The following LRBA variants were observed in gnomAD, a reference collection of about 807,000 sequenced individuals.
The protein encoded by LRBA is lipopolysaccharide-responsive and beige-like anchor protein.
Under a neutral mutation model 330.0 loss-of-function variants are expected in LRBA, and 176 were observed. The observed-to-expected ratio is 0.53, with a 90% CI of 0.47 to 0.60. The LOEUF is 0.60. Ranked by LOEUF, LRBA falls within the 20% of genes least tolerant of loss-of-function variation. The pLI is 0.00. For synonymous variants in LRBA, 1,230 were observed against 1,193.0 expected (o/e 1.03, Z -0.64); for missense variants, 3,259 against 3,444.8 (o/e 0.95, Z 1.35).
chr4:150,462,978 C>G (rs1287603079), intron 44 of LRBA, among the ~76,000 whole-genome samples: 1 of 151,860 alleles, frequency 6.6e-6, no homozygotes, highest in Non-Finnish European at 1.5e-5. Flanking sequence ...CTGAATCACA[C>G]TGTAAACATT....
chr4:150,569,607 T>C (rs1284454059), intron 40 of LRBA, among the ~76,000 whole-genome samples: 1 of 152,142 alleles, frequency 6.6e-6, no homozygotes, highest in African/African-American at 2.4e-5. Context: ...ATCGTACATC[T>C]TTGATCAAGC....
intron 36 of LRBA, among the ~76,000 whole-genome samples, chr4:150,700,005 C>T (rs1784966963): frequency 6.6e-6 from 1 of 152,072 alleles, no homozygotes; most frequent in African/African-American, 2.4e-5. Flanking sequence ...AAAGAAAATG[C>T]TCATTGGAGC....
At chr4:150,636,124 A>T (rs1156917392) in intron 37 of LRBA, among the ~76,000 whole-genome samples, 1 of 145,538 alleles carries the variant, frequency 6.9e-6, no homozygotes, top group Non-Finnish European at 1.5e-5. Context: ...AATGATGTCC[A>T]TTTTGATCAC....
chr4:150,767,518 G>A (rs1458775422), intron 34 of LRBA, among the ~76,000 whole-genome samples: 1 of 151,966 alleles, frequency 6.6e-6, no homozygotes, highest in African/African-American at 2.4e-5. Context: ...CCAGAACTTT[G>A]GGGGGCCAAG....
intron 26 of LRBA, among the ~76,000 whole-genome samples, chr4:150,846,142 A>C (rs1749806331): frequency 6.6e-6 from 1 of 152,224 alleles, no homozygotes; most frequent in Non-Finnish European, 1.5e-5. Context: ...TAAGTGAAAC[A>C]AGTCAGACAC....
At chr4:150,896,644 G>A (rs2127116168) in intron 15 of LRBA, among the ~76,000 whole-genome samples, 188 bp from the exon 16 acceptor site, 1 of 152,088 alleles carries the variant, frequency 6.6e-6, no homozygotes, top group African/African-American at 2.4e-5. Flanking sequence ...ACATGTAGAG[G>A]TCAATTAACA....
chr4:150,288,570 C>T (rs939823938), intron 53 of LRBA, among the ~76,000 whole-genome samples: 5 of 152,268 alleles, frequency 3.3e-5, no homozygotes, highest in Admixed American at 6.5e-5. Context: ...GCCTGGGCAA[C>T]AGAGCGAGAC....
intron 48 of LRBA, among the ~76,000 whole-genome samples, chr4:150,348,039 A>G (rs180931684): frequency 6.6e-6 from 1 of 152,344 alleles, no homozygotes; most frequent in East Asian, 1.9e-4. Flanking sequence ...TCAATGTACA[A>G]TAACTACATA....
chr4:150,974,423 C>T (rs1157781541), intron 2 of LRBA, among the ~76,000 whole-genome samples: 2 of 152,124 alleles, frequency 1.3e-5, no homozygotes, highest in African/African-American at 4.8e-5. Flanking sequence ...AGAACAACTA[C>T]CGAGATTGTT....
rs1210247776 is a variant in LRBA, at chr4:150,639,785, G to A, written c.5922-40654C>T. On this transcript the variant is annotated intron_variant, in intron 37 of 56. Transcript: ENST00000651943. ...TATATATATATATATATATATATGT[G>A]TGTGTGTATATATATATATATGTGT... Among the ~76,000 whole-genome samples the A allele has an allele frequency of 7.6e-3, 22 of 2,904 alleles. 1 individual carries two copies. Among genetic ancestry groups the A allele is most frequent in the South Asian group, 0.011 (1 of 88 alleles). The allele number at this position is 2,904 out of a possible 152,430, so 1.9% of individuals were successfully genotyped here.
At chr4:150,628,418 A>C (rs978183521) in intron 37 of LRBA, among the ~76,000 whole-genome samples, 5 of 152,216 alleles carry the variant, frequency 3.3e-5, no homozygotes, top group Non-Finnish European at 7.4e-5. Context: ...AACAGCCATA[A>C]GATAGATCAT....
chr4:150,302,630 G>C lies in LRBA; in HGVS notation c.8012C>G (p.Pro2671Arg), dbSNP rs1222341791. 4 of 1,602,274 alleles carry C rather than the reference G, an allele frequency of 2.5e-6. No homozygotes were observed. In the South Asian group the frequency reaches 4.5e-5, roughly 18 times the overall value. ...AAAAAATGAGTCATACTTACTGCCT[G>C]GGTTATCTCCAATCCCACTGCATTT... ...NGKCSGIGDN[P>R]GSETAAPRAI... is the part of the protein sequence containing the mutation. Residue 2671 changes from proline (P) to arginine (R), a missense_variant, in exon 53 of 57, where the codon CCA (proline) becomes CGA (arginine). Coordinates refer to ENST00000651943, the MANE Select transcript of LRBA (RefSeq NM_001364905.1).
rs183652080 is a variant in LRBA at position 150,490,901 on chromosome 4, T to C, written c.6448+17A>G. The C allele has an allele frequency of 3.8e-3, 5,534 of 1,453,646 alleles. 10 individuals carry two copies. The highest frequency in any genetic ancestry group is 4.7e-3 in the Non-Finnish European group (4,893 of 1,039,372). The allele number at this position is 1,453,646 out of a possible 1,614,324, so 90.0% of individuals were successfully genotyped here. ...TGGAAGTTAGCTCTGTAACAACGTA[T>C]TTCTGTAACACATTACCTCTGTTTG... On this transcript the variant is annotated intron_variant, in intron 41 of 56. Coordinates refer to ENST00000651943, the MANE Select transcript of LRBA (RefSeq NM_001364905.1).
intron 56 of LRBA, among the ~76,000 whole-genome samples, chr4:150,269,137 T>C (rs1413761103): frequency 1.3e-5 from 2 of 152,302 alleles, no homozygotes; most frequent in African/African-American, 2.4e-5. Flanking sequence ...GCCGAGATCA[T>C]GCCATTGCAC....
At chr4:150,651,436 A>C (rs1779700291) in intron 37 of LRBA, among the ~76,000 whole-genome samples, 1 of 152,314 alleles carries the variant, frequency 6.6e-6, no homozygotes, top group African/African-American at 2.4e-5. Context: ...GACGGATGAA[A>C]ATATATATTT....
At chr4:150,874,813 T>G (rs781291357) in intron 17 of LRBA, among the ~76,000 whole-genome samples, 6 of 152,148 alleles carry the variant, frequency 3.9e-5, no homozygotes, top group Non-Finnish European at 7.4e-5. Flanking sequence ...ACTAGCAACC[T>G]GAGCCCTATT....
intron 42 of LRBA, among the ~76,000 whole-genome samples, chr4:150,480,246 A>G (rs1217514411): frequency 1.3e-5 from 2 of 152,122 alleles, no homozygotes; most frequent in Non-Finnish European, 2.9e-5. Context: ...CCAATACCCT[A>G]TACCATGAGA....
chr4:150,509,330 G>A (rs1451031955), intron 40 of LRBA, among the ~76,000 whole-genome samples: 1 of 151,670 alleles, frequency 6.6e-6, no homozygotes, highest in African/African-American at 2.4e-5. Flanking sequence ...AAACGAAAAG[G>A]AAATTAGCAA....
chr4:150,977,030 C>T (rs1417045107), intron 2 of LRBA, among the ~76,000 whole-genome samples: 2 of 152,194 alleles, frequency 1.3e-5, no homozygotes, highest in Non-Finnish European at 1.5e-5. Flanking sequence ...ACTTGAAGGG[C>T]AGTCTAGGCC....
Sources: allele counts gnomAD v4.1 joint callset (sites outside exome capture counted in the v4.1 genomes callset), GRCh38; gene constraint gnomAD v4.1.1; transcripts MANE v1.5; gene names NCBI Gene and HGNC (gene_info 2026-07-23, HGNC 2026-07-21).